SGCZ: variants seen among roughly 807,000 people sequenced by gnomAD.
SGCZ encodes the protein zeta-sarcoglycan.
SGCZ carries 40 observed loss-of-function variants against 41.3 expected under a neutral mutation model. That is an observed-to-expected ratio of 0.97 (90% CI 0.75 to 1.26). The LOEUF is 1.26. Among genes scored for constraint, SGCZ ranks in the 50% most tolerant of loss-of-function variants. The pLI is 0.00. For synonymous variants in SGCZ, 206 were observed against 137.5 expected (o/e 1.50, Z -3.49); for missense variants, 552 against 369.8 (o/e 1.49, Z -4.04).
At chr8:14,348,228 C>G (rs565640826) in intron 2 of SGCZ, among the ~76,000 whole-genome samples, 2 of 152,176 alleles carry the variant, frequency 1.3e-5, no homozygotes, top group East Asian at 3.9e-4. Context: ...CTGCATGTTT[C>G]CCATACCAAG....
chr8:14,995,407 A>T (rs1563420301), intron 1 of SGCZ, among the ~76,000 whole-genome samples: 1 of 152,178 alleles, frequency 6.6e-6, no homozygotes, highest in Admixed American at 6.5e-5. Flanking sequence ...ATTAATAGGG[A>T]TGGGTTCAAG....
intron 5 of SGCZ, among the ~76,000 whole-genome samples, chr8:14,109,246 G>A (rs1802302508): frequency 6.6e-6 from 1 of 152,146 alleles, no homozygotes. Flanking sequence ...TCAGGAGGTT[G>A]AAGGATACTC....
At chr8:14,468,816 T>C (rs1229770143) in intron 2 of SGCZ, among the ~76,000 whole-genome samples, 1 of 152,102 alleles carries the variant, frequency 6.6e-6, no homozygotes, top group Non-Finnish European at 1.5e-5. Context: ...AACAAGCTTA[T>C]TGTGCCCAAG....
intron 1 of SGCZ, among the ~76,000 whole-genome samples, chr8:14,786,516 G>A (rs186886901): frequency 6.6e-6 from 1 of 152,116 alleles, no homozygotes; most frequent in Admixed American, 6.5e-5. Flanking sequence ...ACTATATAGT[G>A]GAATGTAGCA....
chr8:15,172,166 T>TTATTTATTTTTTA (rs1563164722), intron 1 of SGCZ, among the ~76,000 whole-genome samples: 1 of 133,694 alleles, frequency 7.5e-6, no homozygotes, highest in Non-Finnish European at 1.6e-5. Context: ...TTTTTTTTTT[T>TTATTTATTTTTTA]TTTTTTTTTT....
At position 14,554,844 on chromosome 8, in the gene SGCZ, A is replaced by C; in HGVS notation, c.122T>G (p.Ile41Ser). The C allele has an allele frequency of 6.2e-7, 1 of 1,613,366 alleles. No individual in the cohort carries two copies. Among genetic ancestry groups the C allele is most frequent in the Non-Finnish European group, 8.5e-7 (1 of 1,179,564 alleles). The change falls in exon 2 of 8, where the codon ATT becomes AGT. Residue 41 changes from isoleucine to serine, a missense_variant. Transcript: ENST00000382080. ...TENAQLYPVG[I>S]YGWRKRCLYF... is the part of the protein sequence containing the mutation. ...TAAGCACCTCTTTCGCCATCCATAA[A>C]TTCCCACTGGGTAAAGTTGTGCATT... is the stretch of plus-strand genomic sequence containing the variant.
chr8:14,265,372 C>T (rs963010675), intron 3 of SGCZ, among the ~76,000 whole-genome samples: 52 of 152,104 alleles, frequency 3.4e-4, no homozygotes, highest in African/African-American at 1.0e-3. Flanking sequence ...GTTCCATTTC[C>T]ATTTACAAAA....
intron 1 of SGCZ, among the ~76,000 whole-genome samples, chr8:14,943,809 T>C (rs952897511): frequency 1.3e-5 from 2 of 152,170 alleles, no homozygotes; most frequent in African/African-American, 2.4e-5. Flanking sequence ...TAGCTCCCAC[T>C]TACAAGTAAG....
chr8:14,649,643 T>C (rs1278130538), intron 1 of SGCZ, among the ~76,000 whole-genome samples: 7 of 152,124 alleles, frequency 4.6e-5, no homozygotes, highest in African/African-American at 1.7e-4. Context: ...CGTTAAGTTT[T>C]CAGTTACTGG....
chr8:15,006,450 A>C (rs2130918929), intron 1 of SGCZ, among the ~76,000 whole-genome samples: 1 of 152,324 alleles, frequency 6.6e-6, no homozygotes, highest in South Asian at 2.1e-4. Context: ...GAAGAACACT[A>C]AGGGAAGAAC....
At chr8:14,901,576 G>A (rs147904741) in intron 1 of SGCZ, among the ~76,000 whole-genome samples, 1 of 152,092 alleles carries the variant, frequency 6.6e-6, no homozygotes. Flanking sequence ...GTGAAGGACT[G>A]TTAGGTTCTT....
At chr8:14,770,906 G>A (rs1800214318) in intron 1 of SGCZ, among the ~76,000 whole-genome samples, 1 of 152,114 alleles carries the variant, frequency 6.6e-6, no homozygotes, top group Admixed American at 6.6e-5. Flanking sequence ...TAAATATGCT[G>A]TCAATTGAAT....
At chr8:14,890,732 C>G in intron 1 of SGCZ, among the ~76,000 whole-genome samples, 1 of 152,150 alleles carries the variant, frequency 6.6e-6, no homozygotes, top group East Asian at 1.9e-4. Flanking sequence ...GTAGAAGATG[C>G]CATTTAAGAC....
chr8:15,008,025 G>T (rs1306408028), intron 1 of SGCZ, among the ~76,000 whole-genome samples: 1 of 151,962 alleles, frequency 6.6e-6, no homozygotes, highest in Admixed American at 6.6e-5. Context: ...TTGATAAATT[G>T]TTGTCTTTTT....
intron 5 of SGCZ, among the ~76,000 whole-genome samples, chr8:14,124,890 A>C (rs2117043420): frequency 6.6e-6 from 1 of 152,250 alleles, no homozygotes; most frequent in Non-Finnish European, 1.5e-5. Context: ...TGACACAAAT[A>C]AAGTAGAAAT....
At chr8:14,221,690 C>G (rs983307651) in intron 4 of SGCZ, among the ~76,000 whole-genome samples, 7 of 152,120 alleles carry the variant, frequency 4.6e-5, no homozygotes, top group African/African-American at 1.7e-4. Context: ...AATCCCAGCA[C>G]TTTGGGAGAC....
chr8:15,018,486 G>C (rs1323800145), intron 1 of SGCZ, among the ~76,000 whole-genome samples: 11 of 152,196 alleles, frequency 7.2e-5, no homozygotes, highest in Admixed American at 7.2e-4. Flanking sequence ...TATTTAAGCT[G>C]AGACAGGAAT....
Position 14,318,902 on chromosome 8 carries a change from T to C in SGCZ, c.336+5201A>G, listed in dbSNP as rs757345117. Reference sequence around the variant, plus strand: ...AAAATCGTTATAAGATAAAAGAAGATTGTAGACCAAAGGAAAATTCTGAGA... The same window carrying C: ...AAAATCGTTATAAGATAAAAGAAGACTGTAGACCAAAGGAAAATTCTGAGA... On this transcript the variant is annotated intron_variant, in intron 3 of 7. Transcript: ENST00000382080. 3.3e-5 allele frequency among the ~76,000 whole-genome samples: 5 copies of C among 151,764 alleles called. 1 individual carries two copies. Among genetic ancestry groups the C allele is most frequent in the South Asian group, 4.2e-4 (2 of 4,810 alleles).
chr8:14,489,866 C>CATTTTTTT (rs142314868), intron 2 of SGCZ, among the ~76,000 whole-genome samples: 2,599 of 137,414 alleles, frequency 0.019, 122 homozygotes, highest in South Asian at 0.032. Context: ...AATTCTCCTA[C>CATTTTTTT]CTTTTTTTTT....
Sources: gnomAD v4.1 joint callset for allele counts (sites outside exome capture counted in the v4.1 genomes callset) on GRCh38, gnomAD v4.1.1 for gene constraint, MANE v1.5 for transcripts, NCBI Gene and HGNC (gene_info 2026-07-23, HGNC 2026-07-21) for gene names.